SND1: variants seen among roughly 807,000 people sequenced by gnomAD.
SND1 encodes staphylococcal nuclease and tudor domain containing 1, also known as staphylococcal nuclease domain-containing protein 1.
Under a neutral mutation model 121.7 loss-of-function variants are expected in SND1, and 38 were observed. The ratio of observed to expected loss-of-function variants is 0.31; its 90% CI spans 0.24 to 0.41. SND1 has a LOEUF of 0.41. SND1 is among the 10% of genes least tolerant of loss of function. SND1 has a pLI of 1.00. For missense variants in SND1, 868 were observed against 1,184.6 expected, an observed-to-expected ratio of 0.73 and a Z score of 3.92; for synonymous variants, 401 against 447.4, an observed-to-expected ratio of 0.90 and a Z score of 1.31.
At chr7:127,720,633 GT>G (rs1254969107) in intron 9 of SND1, among the ~76,000 whole-genome samples, 2 of 152,132 alleles carry the variant, frequency 1.3e-5, no homozygotes. Context: ...TGAGCGTGGG[GT>G]TCTGTGTTAC....
intron 10 of SND1, among the ~76,000 whole-genome samples, chr7:127,765,460 T>C (rs1394521766): frequency 6.6e-6 from 1 of 152,216 alleles, no homozygotes; most frequent in Non-Finnish European, 1.5e-5. Context: ...ACAGTGAGAA[T>C]AGTAAAATAT....
intron 15 of SND1, among the ~76,000 whole-genome samples, chr7:127,974,744 C>G (rs995746787): frequency 6.6e-6 from 1 of 152,200 alleles, no homozygotes; most frequent in Non-Finnish European, 1.5e-5. Context: ...ATATGAAACA[C>G]TTCTCTTGTT....
intron 10 of SND1, among the ~76,000 whole-genome samples, chr7:127,741,422 TA>T (rs1796880090): frequency 6.6e-6 from 1 of 151,594 alleles, no homozygotes; most frequent in South Asian, 2.1e-4. Flanking sequence ...TCTTTTACCT[TA>T]AAATCGCCTG....
intron 22 of SND1, among the ~76,000 whole-genome samples, chr7:128,091,279 C>T (rs1307411649): frequency 2.6e-5 from 4 of 152,160 alleles, no homozygotes; most frequent in Admixed American, 6.5e-5. Context: ...GGCACAGTGC[C>T]GGAATCACGA....
rs1176617199 is a variant in SND1 at position 128,001,417 on chromosome 7, C to T, written c.1779+10361C>T. ...CACACATCCCTTAGCCTCTCTAAACCGAGGGCAATCTCAGTGCCTATTAGA... is the reference window on the plus strand; with the variant it reads ...CACACATCCCTTAGCCTCTCTAAACTGAGGGCAATCTCAGTGCCTATTAGA... On this transcript the variant is annotated intron_variant, in intron 16 of 23. Coordinates refer to ENST00000354725, the MANE Select transcript of SND1 (RefSeq NM_014390.4). 2.6e-5 allele frequency among the ~76,000 whole-genome samples: 4 copies of T among 152,180 alleles called. No homozygotes were observed. In the East Asian group the frequency reaches 5.8e-4, roughly 22 times the overall value.
intron 11 of SND1, among the ~76,000 whole-genome samples, chr7:127,812,185 G>A (rs934988863): frequency 1.3e-5 from 2 of 152,204 alleles, no homozygotes; most frequent in Admixed American, 1.3e-4. Flanking sequence ...TACTGAGTCA[G>A]ATATAGACAG....
At chr7:127,652,622 G>A (rs1005524135) in intron 1 of SND1, among the ~76,000 whole-genome samples, 171 bp downstream of exon 1, 1 of 152,146 alleles carries the variant, frequency 6.6e-6, no homozygotes, top group African/African-American at 2.4e-5. Context: ...CAGACACGGA[G>A]TCCCCTTGTT....
Position 127,911,077 on chromosome 7 carries a change from G to C in SND1, c.1527+6258G>C, listed in dbSNP as rs1006871871. ...GTTGGTGGGAGTGTTGGGTTATCCT[G>C]GTGGCTTCCTTGCCTCCCTGTTGTG... On this transcript the variant is annotated intron_variant, in intron 14 of 23. Transcript: ENST00000354725. Among the ~76,000 whole-genome samples the C allele has an allele frequency of 4.6e-5, 7 of 152,314 alleles. No individual in the cohort carries two copies. In the East Asian group the frequency reaches 9.6e-4, roughly 21 times the overall value.
At chr7:127,796,356 A>C (rs1245856401) in intron 10 of SND1, among the ~76,000 whole-genome samples, 1 of 152,148 alleles carries the variant, frequency 6.6e-6, no homozygotes, top group African/African-American at 2.4e-5. Flanking sequence ...CATAATCACA[A>C]GAAATAGAGT....
At chr7:127,976,508 CTG>C (rs1367903634) in intron 15 of SND1, among the ~76,000 whole-genome samples, 1 of 152,250 alleles carries the variant, frequency 6.6e-6, no homozygotes, top group African/African-American at 2.4e-5. Flanking sequence ...TGTTGCCACA[CTG>C]TGACAGGGGC....
intron 16 of SND1, chr7:128,028,822 A>C (rs751261425): frequency 1.5e-5 from 24 of 1,614,012 alleles, no homozygotes; most frequent in Non-Finnish European, 1.7e-6. Flanking sequence ...TAGGTGTTGT[A>C]GTTAATATGG....
At chr7:128,049,388 C>T (rs895047953) in intron 16 of SND1, among the ~76,000 whole-genome samples, 12 of 152,160 alleles carry the variant, frequency 7.9e-5, no homozygotes, top group Non-Finnish European at 1.3e-4. Context: ...GCTCTTTCCC[C>T]GAAACTGCCC....
At chr7:127,794,875 A>C (rs1797986205) in intron 10 of SND1, among the ~76,000 whole-genome samples, 1 of 152,258 alleles carries the variant, frequency 6.6e-6, no homozygotes, top group Non-Finnish European at 1.5e-5. Flanking sequence ...GCTTCCAATG[A>C]AAAGGAAAGT....
intron 15 of SND1, chr7:127,949,357 C>T (rs1801408120): frequency 6.6e-6 from 1 of 152,228 alleles, no homozygotes; most frequent in Admixed American, 6.5e-5. Flanking sequence ...AAGTTCACTA[C>T]TTAGCAAGAA....
At chr7:127,857,946 G>A (rs767518859) in intron 12 of SND1, 391 of 1,360,256 alleles carry the variant, frequency 2.9e-4, no homozygotes, top group Non-Finnish European at 3.6e-4. Context: ...AGTAGCCTTC[G>A]CTCACCCAGG....
At chr7:127,825,393 G>C (rs1343658297) in intron 11 of SND1, among the ~76,000 whole-genome samples, 2 of 151,170 alleles carry the variant, frequency 1.3e-5, no homozygotes, top group Non-Finnish European at 2.9e-5. Flanking sequence ...ACAGGCGTGA[G>C]CCACTGCTCC....
chr7:127,819,056 A>G (rs1798498945), intron 11 of SND1, among the ~76,000 whole-genome samples: 1 of 152,344 alleles, frequency 6.6e-6, no homozygotes, highest in Admixed American at 6.5e-5. Context: ...AATGGACATC[A>G]TGTTTGACAC....
At chr7:127,936,240 T>C (rs1050886236) in intron 15 of SND1, among the ~76,000 whole-genome samples, 1 of 151,922 alleles carries the variant, frequency 6.6e-6, no homozygotes, top group African/African-American at 2.4e-5. Context: ...TGTGGCCTCC[T>C]CCTAAGCGTG....
intron 10 of SND1, among the ~76,000 whole-genome samples, chr7:127,742,373 G>A (rs953962201): frequency 6.6e-6 from 1 of 152,142 alleles, no homozygotes; most frequent in Non-Finnish European, 1.5e-5. Context: ...CTCTCCCTGA[G>A]GGTCACTAGA....
Sources: gnomAD v4.1 joint callset for allele counts (sites outside exome capture counted in the v4.1 genomes callset) on GRCh38, gnomAD v4.1.1 for gene constraint, MANE v1.5 for transcripts, NCBI Gene and HGNC (gene_info 2026-07-23, HGNC 2026-07-21) for gene names.